Variants in CCDC33 observed in about 807,000 individuals in gnomAD.
CCDC33 encodes coiled-coil domain containing 33.
Under a neutral mutation model 91.9 loss-of-function variants are expected in CCDC33, and 94 were observed. That is an observed-to-expected ratio of 1.02 (90% CI 0.87 to 1.21). The LOEUF (loss-of-function observed/expected upper bound fraction) is 1.21, where lower values mean the gene tolerates loss of function less well. CCDC33 is among the 50% of genes most tolerant of loss of function. CCDC33 has a pLI of 0.00. For missense variants in CCDC33, 940 were observed against 935.5 expected (o/e 1.00, Z -0.06); for synonymous variants, 396 against 374.5 (o/e 1.06, Z -0.66).
rs71137380 is a variant in CCDC33, at chr15:74,211,153, G to GCA, written n.237-965_237-964dup. Among the ~76,000 whole-genome samples the GCA allele has an allele frequency of 6.8e-3, 1,007 of 148,792 alleles. 11 individuals are homozygous for GCA. Among genetic ancestry groups the GCA allele is most frequent in the African/African-American group, 0.023 (945 of 40,254 alleles). Reference sequence around the variant, plus strand: ...CCCCCCCACCACTACGCACGCACACGCACACACACACACACACACACACAC... The same window carrying GCA: ...CCCCCCCACCACTACGCACGCACACGCACACACACACACACACACACACACAC... On this transcript the variant is annotated intron_variant and non_coding_transcript_variant, in intron 2 of 3. Transcript: ENST00000558645.
At chr15:74,298,788 T>G (rs776928001) in intron 11 of CCDC33, among the ~76,000 whole-genome samples, 8 of 142,056 alleles carry the variant, frequency 5.6e-5, no homozygotes, top group African/African-American at 2.0e-4. Flanking sequence ...TCTCAGCTCA[T>G]TGCAACCTCC....
At chr15:74,248,539 G>C (rs1248796926) in intron 2 of CCDC33, among the ~76,000 whole-genome samples, 1 of 152,100 alleles carries the variant, frequency 6.6e-6, no homozygotes, top group Non-Finnish European at 1.5e-5. Context: ...TAGCAGGCAG[G>C]ACCACAGTTG....
intron 1 of CCDC33, among the ~76,000 whole-genome samples, chr15:74,238,692 G>T (rs2075257475): frequency 6.6e-6 from 1 of 151,980 alleles, no homozygotes; most frequent in African/African-American, 2.4e-5. Context: ...TGACTTTTGT[G>T]TCATCTTTTG....
At chr15:74,209,171 G>C in intron 1 of CCDC33, 2 of 1,252,242 alleles carry the variant, frequency 1.6e-6, no homozygotes, top group East Asian at 5.5e-5. Flanking sequence ...AGCAGGGGCT[G>C]GGGCCCCACA....
At chr15:74,238,504 A>G (rs1016014555) in intron 1 of CCDC33, among the ~76,000 whole-genome samples, 10 of 151,588 alleles carry the variant, frequency 6.6e-5, no homozygotes, top group Non-Finnish European at 1.3e-4. Flanking sequence ...TTTAAATTGG[A>G]TAATGTTTAT....
intron 2 of CCDC33, among the ~76,000 whole-genome samples, chr15:74,250,401 G>A (rs763610711): frequency 8.5e-5 from 13 of 152,078 alleles, no homozygotes; most frequent in Non-Finnish European, 1.8e-4. Context: ...CAGCCACACT[G>A]GACATCTCTC....
intron 2 of CCDC33, among the ~76,000 whole-genome samples, chr15:74,250,568 A>G (rs1269904358): frequency 6.6e-6 from 1 of 152,134 alleles, no homozygotes; most frequent in African/African-American, 2.4e-5. Flanking sequence ...ACATGTTTTC[A>G]TGCGACTCTG....
chr15:74,315,505 C>T (rs2060072895), intron 11 of CCDC33, among the ~76,000 whole-genome samples: 2 of 152,326 alleles, frequency 1.3e-5, no homozygotes, highest in South Asian at 2.1e-4. Context: ...GAGAAGGCTA[C>T]TTCATCAGGT....
At chr15:74,314,682 C>A (rs2060057252) in intron 11 of CCDC33, among the ~76,000 whole-genome samples, 2 of 152,186 alleles carry the variant, frequency 1.3e-5, no homozygotes, top group African/African-American at 4.8e-5. Flanking sequence ...TGTGGTGGAG[C>A]ACCTGGGGTG....
intron 2 of CCDC33, among the ~76,000 whole-genome samples, chr15:74,246,678 C>T (rs996968397): frequency 3.9e-5 from 6 of 152,050 alleles, no homozygotes; most frequent in Non-Finnish European, 7.4e-5. Context: ...AGTGTTGGTG[C>T]GGGTGTGGAG....
At position 74,323,589 on chromosome 15, in the gene CCDC33, A is replaced by G. The variant is rs565500563; in HGVS notation, c.1291-6600A>G. Among the ~76,000 whole-genome samples the G allele has an allele frequency of 1.0e-3, 159 of 152,080 alleles. 1 individual carries two copies. The Middle Eastern group carries it at 0.02, about 20-fold the overall frequency. ...ATCACCCAGGCTGAAGTGCAGTGGC[A>G]TAATCTCAGCTCACTGCAACCTCCG... On this transcript the variant is annotated intron_variant, in intron 11 of 18. Transcript: ENST00000398814.
intron 2 of CCDC33, among the ~76,000 whole-genome samples, chr15:74,229,689 G>C (rs1433999215): frequency 6.6e-6 from 1 of 152,244 alleles, no homozygotes; most frequent in Non-Finnish European, 1.5e-5. Context: ...TGTGGAGAGG[G>C]AGGGTTTGGG....
rs544718735 is a variant in CCDC33, at chr15:74,204,254, A to G, written n.89+1156A>G. Among the ~76,000 whole-genome samples the G allele has an allele frequency of 8.5e-5, 13 of 152,340 alleles. No individual in the cohort carries two copies. In the South Asian group the frequency reaches 2.7e-3, roughly 32 times the overall value. On this transcript the variant is annotated intron_variant and non_coding_transcript_variant, in intron 1 of 3. Transcript: ENST00000558645. ...TCCAGGCGCGAGTGTGAGCTCCCGG[A>G]GGGCGGGACTCTATCCCTCCCACCC... is the stretch of plus-strand genomic sequence containing the variant.
chr15:74,223,043 ACTTTACT>A (rs1054251874), intron 2 of CCDC33, among the ~76,000 whole-genome samples: 9 of 151,876 alleles, frequency 5.9e-5, no homozygotes, highest in African/African-American at 2.2e-4. Context: ...GATTTCATTA[ACTTTACT>A]CTTTACTGCC....
chr15:74,257,129 G>A (rs541958933), intron 2 of CCDC33, among the ~76,000 whole-genome samples: 1 of 152,332 alleles, frequency 6.6e-6, no homozygotes, highest in South Asian at 2.1e-4. Flanking sequence ...TGTAAACTGA[G>A]GCCCACCTGC....
Position 74,279,961 on chromosome 15 carries a change from A to T in CCDC33, c.760-2A>T, listed in dbSNP as rs757220070. On this transcript the variant is annotated splice_acceptor_variant, in intron 7 of 18. Transcript: ENST00000398814. LOFTEE classifies it high-confidence loss of function. ...CCACCTGCTCCTACCCTCTCCCTCC[A>T]GCTGTCCAAGCCTGGGGGACCCCCA... The T allele has an allele frequency of 6.2e-7, 1 of 1,613,790 alleles. No individual in the cohort carries two copies. Among genetic ancestry groups the T allele is most frequent in the Admixed American group, 1.7e-5 (1 of 59,996 alleles).
chr15:74,268,442 A>G lies in CCDC33; in HGVS notation c.530A>G (p.Asn177Ser). 6.5e-7 allele frequency: 1 copy of G among 1,530,418 alleles called. No individual in the cohort carries two copies. Among genetic ancestry groups the G allele is most frequent in the South Asian group, 1.1e-5 (1 of 88,938 alleles). 94.8% of individuals were successfully genotyped at this position (1,530,418 alleles called of 1,614,324 possible). A position where few individuals can be genotyped will look rare whatever the true frequency, so the allele number is the denominator to read the frequency against. The change falls in exon 5 of 19, where the codon AAC becomes AGC. Residue 177 changes from asparagine to serine, a missense_variant. Transcript: ENST00000398814. ...SSFIPRYIGCNHMALEIFLRG... is the reference protein window; with the variant it reads ...SSFIPRYIGCSHMALEIFLRG... The stretch of plus-strand genomic sequence containing the variant: ...TTCATACCCCGCTACATCGGCTGCA[A>G]CCACATGGCTCTGGAGGTACCAGGG...
chr15:74,255,601 A>G (rs926309192), intron 2 of CCDC33, among the ~76,000 whole-genome samples: 5 of 152,240 alleles, frequency 3.3e-5, no homozygotes, highest in Non-Finnish European at 5.9e-5. Flanking sequence ...AGTGGGGCCT[A>G]GGGACTAGCC....
intron 2 of CCDC33, among the ~76,000 whole-genome samples, chr15:74,259,091 GT>G (rs1180951357): frequency 2.0e-5 from 3 of 152,158 alleles, no homozygotes; most frequent in African/African-American, 7.2e-5. Context: ...TGCCCATGCT[GT>G]GGCTGGATTA....
Sources: gnomAD v4.1 joint callset for allele counts (sites outside exome capture counted in the v4.1 genomes callset) on GRCh38, gnomAD v4.1.1 for gene constraint, MANE v1.5 for transcripts, NCBI Gene and HGNC (gene_info 2026-07-23, HGNC 2026-07-21) for gene names.